NPC1: variants seen among roughly 807,000 people sequenced by gnomAD.
NPC1 encodes Niemann-Pick C1 protein.
Under a neutral mutation model 140.4 loss-of-function variants are expected in NPC1, and 85 were observed. That is an observed-to-expected ratio of 0.61 (90% CI 0.51 to 0.72). NPC1 has a LOEUF of 0.72. NPC1 is among the 30% of genes least tolerant of loss of function. The pLI, the probability that NPC1 is intolerant of heterozygous loss-of-function variation, is 0.00. For synonymous variants in NPC1, 656 were observed against 624.8 expected (o/e 1.05, Z -0.74); for missense variants, 1,504 against 1,623.8 (o/e 0.93, Z 1.27).
At chr18:23,520,386 G>A, downstream of NPC1, 2 of 1,255,400 alleles carry the variant, frequency 1.6e-6, no homozygotes, top group South Asian at 1.3e-5. Context: ...TGATCTTTGG[G>A]AGTCACGTTA....
chr18:23,539,729 T>G, intron 18 of NPC1, 82 bp downstream of exon 18: 3 of 1,434,688 alleles, frequency 2.1e-6, no homozygotes, highest in South Asian at 2.3e-5. Context: ...CTATTTTCAG[T>G]GAGACATTTC....
intron 4 of NPC1, among the ~76,000 whole-genome samples, chr18:23,562,296 C>CA (rs11294706): frequency 0.017 from 2,293 of 132,464 alleles, 44 homozygotes; most frequent in East Asian, 0.097. Flanking sequence ...CACAAAAAAA[C>CA]AAAAAAAAAA....
chr18:23,552,660 A>G (rs1047486934), intron 9 of NPC1, among the ~76,000 whole-genome samples: 2 of 152,206 alleles, frequency 1.3e-5, no homozygotes, highest in African/African-American at 2.4e-5. Context: ...GCCAGTGGAG[A>G]GTGAACCAGC....
rs1473955064 is a variant in NPC1, at chr18:23,531,590, ACATCTAACTGG to A, written c.*601_*611del. 4 of 1,603,520 alleles carry A rather than the reference ACATCTAACTGG, an allele frequency of 2.5e-6. No homozygotes were observed. The African/African-American group carries it at 5.4e-5, about 22-fold the overall frequency. ...CTTTCTTTGTCCCTCATTTCATGCC[ACATCTAACTGG>A]CAATTAAATCTCTTCCTTTCTAGGG... On this transcript the variant is annotated 3_prime_UTR_variant, in exon 25 of 25. Transcript: ENST00000269228.
Position 23,541,332 on chromosome 18 carries a change from A to G in NPC1, c.2347T>C (p.Leu783=), listed in dbSNP as rs200384578. 2.7e-5 allele frequency: 43 copies of G among 1,614,250 alleles called. No individual in the cohort carries two copies. In the East Asian group the frequency reaches 4.9e-4, roughly 18 times the overall value. The change falls in exon 15 of 25, where the codon TTG becomes CTG. Residue 783 remains leucine, a synonymous_variant. Transcript: ENST00000269228. The part of the protein sequence containing the change: ...LLQITCFVSL[L]GLDIKRQEKN... ...TCTTGACGTTTAATGTCTAACCCCA[A>G]GAGACTCACGAAACAGGTAATCTGC...
rs375085289 is a variant in NPC1 at position 23,531,873 on chromosome 18, G to A, written c.*329C>T. On this transcript the variant is annotated 3_prime_UTR_variant, in exon 25 of 25. Coordinates refer to ENST00000269228, the MANE Select transcript of NPC1 (RefSeq NM_000271.5). ...TTACTCCTAAAAGGAGAGACAGACA[G>A]TGCATTGATTGGCCTTTACAGAGTG... 1.9e-5 allele frequency: 27 copies of A among 1,446,986 alleles called. No homozygotes were observed. In the South Asian group the frequency reaches 2.7e-4, roughly 14 times the overall value. 89.6% of individuals were successfully genotyped at this position (1,446,986 alleles called of 1,614,324 possible).
At chr18:23,508,803 T>C (rs2057776955) in intron 3 of NPC1, 1 of 152,438 alleles carries the variant, frequency 6.6e-6, no homozygotes, top group African/African-American at 2.4e-5. Flanking sequence ...CCTCAACCCA[T>C]TTTAGTCAAC....
intron 1 of NPC1, among the ~76,000 whole-genome samples, chr18:23,578,101 G>C (rs2059313928): frequency 6.6e-6 from 1 of 152,220 alleles, no homozygotes; most frequent in South Asian, 2.1e-4. Flanking sequence ...GGGACTGAAG[G>C]GCTCCTCAAA....
At chr18:23,552,439 A>G (rs2058887389) in intron 9 of NPC1, among the ~76,000 whole-genome samples, 1 of 152,232 alleles carries the variant, frequency 6.6e-6, no homozygotes, top group African/African-American at 2.4e-5. Context: ...CCAGTTAAGT[A>G]GTTTGGATTT....
Position 23,586,354 on chromosome 18 carries a change from C to T in NPC1, c.-11G>A. On this transcript the variant is annotated 5_prime_UTR_variant, in exon 1 of 25. Coordinates refer to ENST00000269228, the MANE Select transcript of NPC1 (RefSeq NM_000271.5). Reference sequence around the variant, plus strand: ...GCCGCGAGCGGTCATGCTGTGGCCGCGCAAGGCTGCTGACGCCGGCGGCGT... The same window carrying T: ...GCCGCGAGCGGTCATGCTGTGGCCGTGCAAGGCTGCTGACGCCGGCGGCGT... 1.3e-6 allele frequency: 2 copies of T among 1,532,370 alleles called. No homozygotes were observed. The highest frequency in any genetic ancestry group is 1.7e-6 in the Non-Finnish European group (2 of 1,145,644). 94.9% of individuals were successfully genotyped at this position (1,532,370 alleles called of 1,614,324 possible). A position where few individuals can be genotyped will look rare whatever the true frequency, so the allele number is the denominator to read the frequency against.
chr18:23,527,753 T>C (rs1338530231), downstream of NPC1: 2 of 1,492,614 alleles, frequency 1.3e-6, no homozygotes, highest in Non-Finnish European at 1.9e-6. Context: ...GAAGCTGACA[T>C]GAAGTTGGTT....
At chr18:23,532,814 A>T (rs2058556795) in intron 24 of NPC1, 1 of 932,888 alleles carries the variant, frequency 1.1e-6, no homozygotes. Flanking sequence ...TCAGTGCTTC[A>T]ATTTAGTGAC....
chr18:23,566,510 C>T (rs776006028), intron 4 of NPC1, among the ~76,000 whole-genome samples: 16 of 152,020 alleles, frequency 1.1e-4, no homozygotes, highest in Non-Finnish European at 1.6e-4. Context: ...TTTGGCAGGC[C>T]GAGGCAGGAG....
chr18:23,535,429 A>G, intron 22 of NPC1, 40 bp downstream of exon 22: 1 of 1,417,442 alleles, frequency 7.1e-7, no homozygotes, highest in South Asian at 1.2e-5. Context: ...CCCAAGTGAA[A>G]CAGGAGCTAG....
chr18:23,572,085 C>T lies in NPC1; in HGVS notation c.276G>A (p.Gln92=). 1 of 1,613,412 alleles carries T rather than the reference C, an allele frequency of 6.2e-7. No homozygotes were observed. The highest frequency in any genetic ancestry group is 8.5e-7 in the Non-Finnish European group (1 of 1,179,432). The change falls in exon 3 of 25, where the codon CAG becomes CAA. Residue 92 remains glutamine (Q), a synonymous_variant. Coordinates refer to ENST00000269228, the MANE Select transcript of NPC1 (RefSeq NM_000271.5). ...CCAGCAGAACCTACCTGGACAGAAA[C>T]TGTAGAGGCAGCTGCAGGTTGTCTT... The part of the protein sequence containing the change: ...TLKDNLQLPL[Q]FLSRCPSCFY...
At chr18:23,544,214 C>T (rs1349726525) in intron 13 of NPC1, 130 bp downstream of exon 13, 11 of 880,446 alleles carry the variant, frequency 1.2e-5, no homozygotes, top group South Asian at 2.9e-5. Context: ...TCAAGACGAC[C>T]GATGAGCCAC....
rs2058505170 is a variant in NPC1 at position 23,531,489 on chromosome 18, A to AC, written c.*712dup. ...TTTGTCTCTCAAAGCAGATAGGGTAACCCCAAAACTTAGGAAAACAATGTA... is the reference window on the plus strand; with the variant it reads ...TTTGTCTCTCAAAGCAGATAGGGTAACCCCCAAAACTTAGGAAAACAATGTA... On this transcript the variant is annotated 3_prime_UTR_variant, in exon 25 of 25. Transcript: ENST00000269228. 2 of 1,455,482 alleles carry AC rather than the reference A, an allele frequency of 1.4e-6. No homozygotes were observed. The highest frequency in any genetic ancestry group is 1.8e-6 in the Non-Finnish European group (2 of 1,109,788). The allele number at this position is 1,455,482 out of a possible 1,614,324, so 90.2% of individuals were successfully genotyped here. A position where few individuals can be genotyped will look rare whatever the true frequency, so the allele number is the denominator to read the frequency against.
intron 14 of NPC1, among the ~76,000 whole-genome samples, 170 bp downstream of exon 14, chr18:23,543,285 C>T (rs1201180749): frequency 7.0e-6 from 1 of 142,622 alleles, no homozygotes; most frequent in Non-Finnish European, 1.5e-5. Context: ...GCCGAGATTG[C>T]ACCACTGCAC....
In NPC1 at chr18:23,551,691, A is replaced by AT; in HGVS notation, c.1589dup (p.His530GlnfsTer2). On this transcript the variant is annotated frameshift_variant, in exon 10 of 25. Coordinates refer to ENST00000269228, the MANE Select transcript of NPC1 (RefSeq NM_000271.5). LOFTEE classifies it high-confidence loss of function. Reference sequence around the variant, plus strand: ...CACCAAACGTACCCAGACAAGGGTCATGGAGCAAACTTGTATCATTCAGAG... The same window carrying AT: ...CACCAAACGTACCCAGACAAGGGTCATTGGAGCAAACTTGTATCATTCAGAG... The AT allele has an allele frequency of 6.2e-7, 1 of 1,614,220 alleles. No individual in the cohort carries two copies. Among genetic ancestry groups the AT allele is most frequent in the Non-Finnish European group, 8.5e-7 (1 of 1,180,028 alleles).
Sources: gnomAD v4.1 joint callset for allele counts (sites outside exome capture counted in the v4.1 genomes callset) on GRCh38, gnomAD v4.1.1 for gene constraint, MANE v1.5 for transcripts, NCBI Gene and HGNC (gene_info 2026-07-23, HGNC 2026-07-21) for gene names.